DAB1: variants seen among roughly 807,000 people sequenced by gnomAD.
DAB1 encodes the protein disabled homolog 1.
A neutral mutation model predicts 64.6 loss-of-function variants in DAB1; 15 were observed. That is an observed-to-expected ratio of 0.23 (90% confidence interval 0.16 to 0.36). The LOEUF is 0.36. DAB1 is among the 10% of genes least tolerant of loss of function. The pLI, the probability that DAB1 is intolerant of heterozygous loss-of-function variation, is 1.00. For missense variants in DAB1, 596 were observed against 706.7 expected, an observed-to-expected ratio of 0.84 and a Z score of 1.78; for synonymous variants, 235 against 251.9, an observed-to-expected ratio of 0.93 and a Z score of 0.64.
chr1:57,963,823 C>T (rs1401928998), intron 5 of DAB1, among the ~76,000 whole-genome samples: 1 of 152,162 alleles, frequency 6.6e-6, no homozygotes, highest in African/African-American at 2.4e-5. Context: ...ATAATGAATG[C>T]CGCACACATT....
At chr1:58,189,530 T>A (rs550050996) in intron 4 of DAB1, among the ~76,000 whole-genome samples, 1 of 152,210 alleles carries the variant, frequency 6.6e-6, no homozygotes, top group Admixed American at 6.5e-5. Flanking sequence ...GATGTGCCAC[T>A]CAAGATGCAC....
chr1:58,051,154 T>C (rs1647631332), intron 5 of DAB1, among the ~76,000 whole-genome samples: 1 of 152,126 alleles, frequency 6.6e-6, no homozygotes. Context: ...ACCCATGAAC[T>C]CATCATTTAC....
downstream of DAB1, among the ~76,000 whole-genome samples, chr1:57,821,288 G>A (rs948974187): frequency 5.6e-4 from 85 of 152,042 alleles, no homozygotes; most frequent in Non-Finnish European, 1.5e-4. Context: ...ACTCAATAAG[G>A]AAGAGATAGA....
chr1:58,100,496 G>C (rs1170892598), intron 5 of DAB1, among the ~76,000 whole-genome samples: 1 of 151,980 alleles, frequency 6.6e-6, no homozygotes, highest in East Asian at 1.9e-4. Flanking sequence ...TCAGCTTTTA[G>C]ACTATTGTGC....
chr1:57,156,800 C>T (rs774735767), intron 2 of DAB1, among the ~76,000 whole-genome samples: 1 of 152,328 alleles, frequency 6.6e-6, no homozygotes, highest in East Asian at 1.9e-4. Flanking sequence ...GGGAATGGCT[C>T]TCCTCTGAAT....
chr1:57,605,878 A>G, intron 7 of DAB1: 1 of 623,514 alleles, frequency 1.6e-6, no homozygotes, highest in Non-Finnish European at 3.0e-6. Flanking sequence ...TTCCACTTCA[A>G]CTCCTAGCTC....
At chr1:57,671,454 A>G (rs1399706908) in intron 6 of DAB1, among the ~76,000 whole-genome samples, 1 of 152,110 alleles carries the variant, frequency 6.6e-6, no homozygotes, top group African/African-American at 2.4e-5. Context: ...AGTCAGACTC[A>G]GTAAGAAATC....
At chr1:58,522,971 G>A (rs1646290724) in intron 2 of DAB1, among the ~76,000 whole-genome samples, 1 of 152,168 alleles carries the variant, frequency 6.6e-6, no homozygotes, top group African/African-American at 2.4e-5. Flanking sequence ...GGCATAATCA[G>A]TGTAACTTAA....
In DAB1 at chr1:58,279,413, G is replaced by A. The variant is rs542886525; in HGVS notation, n.309+63939C>T. ...CTAGGCCTGGCCTGTTATTAGACTG[G>A]TCTCTCTGGGTGGAAGAAGGAAAGA... On this transcript the variant is annotated intron_variant and non_coding_transcript_variant, in intron 4 of 20. Coordinates refer to the DAB1 transcript ENST00000485760. 1.4e-4 allele frequency among the ~76,000 whole-genome samples: 21 copies of A among 152,292 alleles called. 2 individuals carry two copies. The East Asian group carries it at 3.9e-3, about 28-fold the overall frequency.
At chr1:57,152,770 C>A (rs1224392387) in intron 2 of DAB1, among the ~76,000 whole-genome samples, 1 of 152,132 alleles carries the variant, frequency 6.6e-6, no homozygotes, top group Admixed American at 6.5e-5. Flanking sequence ...GTATGATGTA[C>A]ATTGGATATA....
chr1:58,248,817 G>A (rs1660671686), intron 4 of DAB1, among the ~76,000 whole-genome samples: 1 of 152,122 alleles, frequency 6.6e-6, no homozygotes, highest in Non-Finnish European at 1.5e-5. Context: ...ACCCCACTCT[G>A]CAGCAGAACT....
At chr1:58,373,152 A>G (rs1035257382) in intron 3 of DAB1, among the ~76,000 whole-genome samples, 2 of 150,350 alleles carry the variant, frequency 1.3e-5, no homozygotes, top group African/African-American at 4.9e-5. Flanking sequence ...TAACCAAAGC[A>G]TCCAGCTTAC....
chr1:57,218,772 G>A (rs554616453), intron 2 of DAB1, among the ~76,000 whole-genome samples: 20 of 152,108 alleles, frequency 1.3e-4, no homozygotes, highest in Non-Finnish European at 2.6e-4. Flanking sequence ...CAAGAGAGCT[G>A]GGTGCAAAAG....
At chr1:58,331,962 C>T (rs1037358981) in intron 4 of DAB1, among the ~76,000 whole-genome samples, 3 of 152,114 alleles carry the variant, frequency 2.0e-5, no homozygotes, top group South Asian at 2.1e-4. Context: ...TCCTCAAAAA[C>T]GTACCTTTTG....
intron 7 of DAB1, among the ~76,000 whole-genome samples, chr1:57,560,781 T>G (rs1856962): frequency 0.88 from 133,457 of 152,094 alleles, 60,177 homozygotes; most frequent in East Asian, 1. Context: ...GCTTTTGGCA[T>G]GCCCCCATAG....
Position 57,697,768 on chromosome 1 carries a change from C to G in DAB1, n.552-48103G>C, listed in dbSNP as rs554336261. ...CTAGGAACTGCCACTAGGCTGTGTT[C>G]TTTCTGTCTTCTCTGCAATCCACGG... On this transcript the variant is annotated intron_variant and non_coding_transcript_variant, in intron 6 of 20. Coordinates refer to the DAB1 transcript ENST00000485760. Among the ~76,000 whole-genome samples the G allele has an allele frequency of 3.9e-5, 6 of 152,228 alleles. No homozygotes were observed. In the East Asian group the frequency reaches 1.2e-3, roughly 29 times the overall value.
At chr1:57,610,429 C>A (rs1645712081) in intron 7 of DAB1, among the ~76,000 whole-genome samples, 1 of 152,104 alleles carries the variant, frequency 6.6e-6, no homozygotes, top group Non-Finnish European at 1.5e-5. Context: ...AAATAAGAGG[C>A]CCAGAGTGAT....
chr1:57,075,297 T>C (rs934210164), intron 4 of DAB1, among the ~76,000 whole-genome samples: 2 of 152,196 alleles, frequency 1.3e-5, no homozygotes, highest in African/African-American at 2.4e-5. Context: ...ATTAAGTGTT[T>C]TAAAATCAAA....
chr1:57,039,966 A>G (rs1403414535), intron 9 of DAB1, among the ~76,000 whole-genome samples: 2 of 152,166 alleles, frequency 1.3e-5, no homozygotes, highest in East Asian at 1.9e-4. Context: ...ACTTACTTCT[A>G]TTTATTAAAT....
Sources: allele counts gnomAD v4.1 joint callset (sites outside exome capture counted in the v4.1 genomes callset), GRCh38; gene constraint gnomAD v4.1.1; transcripts MANE v1.5; gene names NCBI Gene and HGNC (gene_info 2026-07-23, HGNC 2026-07-21).